The following ROBO1 variants were observed in gnomAD, a reference collection of about 807,000 sequenced individuals.
The protein encoded by ROBO1 is roundabout guidance receptor 1, also known as roundabout homolog 1.
In ROBO1, 149 loss-of-function variants were observed where a neutral mutation model predicts 195.9. The ratio of observed to expected loss-of-function variants is 0.76; its 90% CI spans 0.67 to 0.87. The LOEUF (loss-of-function observed/expected upper bound fraction) is 0.87. ROBO1 is among the 40% of genes least tolerant of loss of function. ROBO1 has a pLI of 0.00. For missense variants in ROBO1, 1,933 were observed against 2,068.3 expected, an observed-to-expected ratio of 0.93 and a Z score of 1.27; for synonymous variants, 816 against 733.2, an observed-to-expected ratio of 1.11 and a Z score of -1.82.
At chr3:78,904,151 A>G (rs1027949641) in intron 4 of ROBO1, among the ~76,000 whole-genome samples, 1 of 151,572 alleles carries the variant, frequency 6.6e-6, no homozygotes, top group Admixed American at 6.6e-5. Flanking sequence ...TATATACAAT[A>G]TATATACACA....
chr3:78,639,912 A>T lies in ROBO1; in HGVS notation c.2883-14T>A. On this transcript the variant is annotated splice_polypyrimidine_tract_variant and intron_variant, in intron 21 of 30. Coordinates refer to ENST00000464233, the MANE Select transcript of ROBO1 (RefSeq NM_002941.4). ...AGAAGTCCAGGCCTAAATAAAAAAA[A>T]AATATTAAAGCAAATGTTATATGAA... 6.6e-7 allele frequency: 1 copy of T among 1,514,488 alleles called. No homozygotes were observed. Among genetic ancestry groups the T allele is most frequent in the Non-Finnish European group, 8.9e-7 (1 of 1,129,408 alleles). The allele number at this position is 1,514,488 out of a possible 1,614,324, so 93.8% of individuals were successfully genotyped here.
At chr3:79,512,982 C>A (rs1433286601) in intron 2 of ROBO1, 1 of 152,102 alleles carries the variant, frequency 6.6e-6, no homozygotes, top group Non-Finnish European at 1.5e-5. Flanking sequence ...TGAATCAATC[C>A]TAACCTGACC....
intron 2 of ROBO1, among the ~76,000 whole-genome samples, chr3:79,191,129 G>A (rs920781274): frequency 1.3e-5 from 2 of 151,216 alleles, no homozygotes; most frequent in African/African-American, 4.8e-5. Context: ...GAGTGTGAGG[G>A]GCAAGTCATC....
At chr3:79,651,742 T>C (rs1398306387) in intron 1 of ROBO1, among the ~76,000 whole-genome samples, 1 of 152,132 alleles carries the variant, frequency 6.6e-6, no homozygotes, top group Admixed American at 6.6e-5. Context: ...TGGTTTAATG[T>C]TTCATTTGGT....
chr3:79,086,649 C>A (rs149434736), intron 3 of ROBO1, among the ~76,000 whole-genome samples: 1 of 152,130 alleles, frequency 6.6e-6, no homozygotes. Flanking sequence ...GGAAATGCAG[C>A]GATATTTTCC....
chr3:79,697,412 AGAT>A (rs1947479498), intron 1 of ROBO1, among the ~76,000 whole-genome samples: 2 of 151,622 alleles, frequency 1.3e-5, no homozygotes, highest in Admixed American at 1.3e-4. Context: ...CCAATGAGCT[AGAT>A]TTAATTTTGA....
intron 5 of ROBO1, among the ~76,000 whole-genome samples, chr3:78,719,580 A>G (rs2608018): frequency 0.73 from 110,713 of 152,008 alleles, 40,561 homozygotes; most frequent in Middle Eastern, 0.82. Flanking sequence ...GTAGAATCAC[A>G]TGATATGTGC....
intron 25 of ROBO1, among the ~76,000 whole-genome samples, chr3:78,630,038 G>A (rs565324667): frequency 5.3e-5 from 8 of 152,234 alleles, no homozygotes; most frequent in East Asian, 3.9e-4. Context: ...GTGTTTCCAC[G>A]CCCTAGAAGG....
At chr3:78,911,364 T>A (rs1277737557) in intron 4 of ROBO1, among the ~76,000 whole-genome samples, 1 of 152,050 alleles carries the variant, frequency 6.6e-6, no homozygotes, top group East Asian at 1.9e-4. Flanking sequence ...GCCATGAAAT[T>A]TATTAAAATG....
At chr3:78,763,308 A>T (rs1198228671) in intron 4 of ROBO1, among the ~76,000 whole-genome samples, 1 of 152,132 alleles carries the variant, frequency 6.6e-6, no homozygotes, top group Non-Finnish European at 1.5e-5. Flanking sequence ...CTAGAAAATG[A>T]ACTACTGAAC....
At chr3:79,364,065 G>A (rs1443655032) in intron 2 of ROBO1, among the ~76,000 whole-genome samples, 10 of 151,838 alleles carry the variant, frequency 6.6e-5, no homozygotes, top group Admixed American at 5.3e-4. Flanking sequence ...TTGGCCAGGC[G>A]TGGTGGCACG....
intron 23 of ROBO1, among the ~76,000 whole-genome samples, 179 bp downstream of exon 23, chr3:78,635,594 A>T (rs1273131988): frequency 6.6e-6 from 1 of 152,206 alleles, no homozygotes; most frequent in Non-Finnish European, 1.5e-5. Flanking sequence ...AAATTTTCCA[A>T]GGTTATTGTT....
At chr3:79,709,801 A>G (rs1702202684) in intron 1 of ROBO1, among the ~76,000 whole-genome samples, 1 of 152,144 alleles carries the variant, frequency 6.6e-6, no homozygotes, top group African/African-American at 2.4e-5. Context: ...TACCATTAAA[A>G]TAGTCTCACT....
At chr3:79,705,187 T>A (rs765645986) in intron 1 of ROBO1, among the ~76,000 whole-genome samples, 156 of 152,030 alleles carry the variant, frequency 1.0e-3, no homozygotes, top group Non-Finnish European at 1.9e-3. Flanking sequence ...AAATATAATT[T>A]AAAAAATTAA....
chr3:79,297,359 G>T (rs1442690545), intron 2 of ROBO1, among the ~76,000 whole-genome samples: 1 of 152,084 alleles, frequency 6.6e-6, no homozygotes, highest in Non-Finnish European at 1.5e-5. Flanking sequence ...CTACCACCAT[G>T]ATTCACAGTG....
intron 1 of ROBO1, among the ~76,000 whole-genome samples, chr3:79,644,829 C>A (rs1168916800): frequency 6.6e-6 from 1 of 152,034 alleles, no homozygotes; most frequent in South Asian, 2.1e-4. Context: ...CAGGTCTCAG[C>A]AAATTCATAA....
chr3:79,159,621 T>C lies in ROBO1; in HGVS notation c.89-34082A>G, dbSNP rs544033392. Reference sequence around the variant, plus strand: ...GTTGTATAATTGATTGAGTCTCCAATTGTCAACTTGCAAATTGGCAAATTA... The same window carrying C: ...GTTGTATAATTGATTGAGTCTCCAACTGTCAACTTGCAAATTGGCAAATTA... On this transcript the variant is annotated intron_variant, in intron 2 of 30. Coordinates refer to ENST00000464233, the MANE Select transcript of ROBO1 (RefSeq NM_002941.4). 3.2e-4 allele frequency among the ~76,000 whole-genome samples: 49 copies of C among 152,136 alleles called. No individual in the cohort carries two copies. The Middle Eastern group carries it at 0.014, about 42-fold the overall frequency.
chr3:78,786,179 G>C (rs1158969156), intron 4 of ROBO1, among the ~76,000 whole-genome samples: 1 of 152,110 alleles, frequency 6.6e-6, no homozygotes, highest in Non-Finnish European at 1.5e-5. Flanking sequence ...TTATCCTTTT[G>C]AAAGTAAGAT....
At chr3:79,732,934 A>G (rs1576296409) in intron 1 of ROBO1, among the ~76,000 whole-genome samples, 2 of 152,118 alleles carry the variant, frequency 1.3e-5, no homozygotes, top group Non-Finnish European at 2.9e-5. Flanking sequence ...CCATATCTCA[A>G]TCATGAGTTT....
Sources: gnomAD v4.1 joint callset for allele counts (sites outside exome capture counted in the v4.1 genomes callset) on GRCh38, gnomAD v4.1.1 for gene constraint, MANE v1.5 for transcripts, NCBI Gene and HGNC (gene_info 2026-07-23, HGNC 2026-07-21) for gene names.